HLCS: variants seen among roughly 807,000 people sequenced by gnomAD.
HLCS encodes holocarboxylase synthetase.
Under a neutral mutation model 75.0 loss-of-function variants are expected in HLCS, and 53 were observed. The observed-to-expected ratio is 0.71, with a 90% CI of 0.57 to 0.89. The LOEUF is 0.89. HLCS is among the 40% of genes least tolerant of loss of function. The pLI is 0.00. For synonymous variants in HLCS, 431 were observed against 428.6 expected (o/e 1.01, Z -0.07); for missense variants, 966 against 1,074.0 (o/e 0.90, Z 1.41).
At chr21:36,910,508 T>TG (rs986529437) in intron 5 of HLCS, among the ~76,000 whole-genome samples, 14 of 150,264 alleles carry the variant, frequency 9.3e-5, no homozygotes, top group Non-Finnish European at 1.5e-4. Context: ...ATCGCGCCAC[T>TG]GCACTCCAGC....
At chr21:36,756,211 G>A (rs1387212818) in intron 10 of HLCS, among the ~76,000 whole-genome samples, 1 of 151,916 alleles carries the variant, frequency 6.6e-6, no homozygotes, top group African/African-American at 2.4e-5. Flanking sequence ...GGCCAAGGCG[G>A]GCAGATCACA....
intron 1 of HLCS, chr21:36,974,580 T>G (rs2068885841): frequency 6.6e-6 from 1 of 152,198 alleles, no homozygotes; most frequent in Non-Finnish European, 1.5e-5. Context: ...GTCATTAAGG[T>G]AAAATGAGGT....
At chr21:36,898,587 G>A (rs931122746) in intron 5 of HLCS, among the ~76,000 whole-genome samples, 1 of 152,122 alleles carries the variant, frequency 6.6e-6, no homozygotes, top group Non-Finnish European at 1.5e-5. Flanking sequence ...CAGAGGTGGA[G>A]AGGGAGACCC....
chr21:36,783,688 C>A (rs947013134), intron 6 of HLCS, among the ~76,000 whole-genome samples: 11 of 152,162 alleles, frequency 7.2e-5, no homozygotes, highest in African/African-American at 2.7e-4. Flanking sequence ...GTTCTGTCTC[C>A]CTACAGTGGC....
intron 6 of HLCS, among the ~76,000 whole-genome samples, chr21:36,789,263 C>A (rs1045349684): frequency 4.6e-5 from 7 of 152,180 alleles, no homozygotes; most frequent in Non-Finnish European, 1.0e-4. Context: ...CTATGTTGCC[C>A]AGGCTGGTTG....
In HLCS at chr21:36,850,914, C is replaced by G. The variant is rs149259611; in HGVS notation, c.1892+45946G>C. Among the ~76,000 whole-genome samples the G allele has an allele frequency of 6.3e-3, 961 of 152,222 alleles. 17 individuals are homozygous for G. The highest frequency in any genetic ancestry group is 0.021 in the African/African-American group (887 of 41,538). Reference sequence around the variant, plus strand: ...GGAAGCAAAGGGAGAGAGGGAGAGGCCTTCGAGGACACTACCCCTGCTGGA... The same window carrying G: ...GGAAGCAAAGGGAGAGAGGGAGAGGGCTTCGAGGACACTACCCCTGCTGGA... On this transcript the variant is annotated intron_variant, in intron 6 of 10. Coordinates refer to ENST00000674895, the MANE Select transcript of HLCS (RefSeq NM_001352514.2).
At chr21:36,809,338 G>T (rs1047616656) in intron 6 of HLCS, among the ~76,000 whole-genome samples, 2 of 152,152 alleles carry the variant, frequency 1.3e-5, no homozygotes, top group South Asian at 4.1e-4. Context: ...GATTATTACT[G>T]TATGGCTTTT....
chr21:36,956,027 A>G (rs2250250), intron 2 of HLCS, among the ~76,000 whole-genome samples: 103,216 of 151,930 alleles, frequency 0.68, 35,597 homozygotes, highest in East Asian at 0.79. Flanking sequence ...CTAGACTTGT[A>G]TAAGTACACT....
intron 3 of HLCS, 132 bp from the exon 4 acceptor site, chr21:36,937,524 T>A: frequency 1.2e-6 from 1 of 821,066 alleles, no homozygotes; most frequent in Non-Finnish European, 2.0e-6. Context: ...CTGGCACGGC[T>A]CCCACCTGCA....
At chr21:36,793,144 T>A (rs948539168) in intron 6 of HLCS, among the ~76,000 whole-genome samples, 17 of 152,052 alleles carry the variant, frequency 1.1e-4, no homozygotes, top group Admixed American at 9.2e-4. Context: ...ATCAAATAAT[T>A]CTTCTTTCTA....
chr21:36,968,660 G>A (rs1352291989), upstream of HLCS: 1 of 152,168 alleles, frequency 6.6e-6, no homozygotes, highest in East Asian at 1.9e-4. Flanking sequence ...GGCCACTCCA[G>A]GACAACACAG....
chr21:36,971,815 A>G (rs1397310901), intron 1 of HLCS: 5 of 150,788 alleles, frequency 3.3e-5, no homozygotes, highest in African/African-American at 1.2e-4. Context: ...GGTGACAGAA[A>G]AAGACTCCAT....
intron 1 of HLCS, among the ~76,000 whole-genome samples, chr21:36,981,860 C>A (rs560995411): frequency 3.3e-5 from 5 of 152,240 alleles, no homozygotes; most frequent in African/African-American, 1.2e-4. Context: ...TGGGGGAATT[C>A]TTTAATCTGT....
intron 6 of HLCS, among the ~76,000 whole-genome samples, chr21:36,806,692 G>C (rs2061370927): frequency 6.6e-6 from 1 of 152,172 alleles, no homozygotes; most frequent in Non-Finnish European, 1.5e-5. Context: ...ACGAGGTAGG[G>C]GAAGTCAGCA....
intron 6 of HLCS, among the ~76,000 whole-genome samples, chr21:36,839,860 T>C (rs2062557048): frequency 6.6e-6 from 1 of 152,228 alleles, no homozygotes; most frequent in African/African-American, 2.4e-5. Context: ...CCTGTGAACT[T>C]AAATGACAAA....
At chr21:36,778,211 C>T (rs964174876) in intron 6 of HLCS, among the ~76,000 whole-genome samples, 8 of 152,030 alleles carry the variant, frequency 5.3e-5, no homozygotes, top group East Asian at 1.9e-4. Flanking sequence ...CCTTGTGATC[C>T]GCCCACCTCT....
At chr21:36,968,781 A>T (rs1569265385), upstream of HLCS, 1 of 152,246 alleles carries the variant, frequency 6.6e-6, no homozygotes, top group Non-Finnish European at 1.5e-5. Flanking sequence ...AATTATGGCT[A>T]TAAGGACCAC....
intron 1 of HLCS, among the ~76,000 whole-genome samples, chr21:36,978,223 C>T (rs1423881303): frequency 7.2e-5 from 11 of 152,092 alleles, no homozygotes; most frequent in Non-Finnish European, 1.0e-4. Flanking sequence ...GGGCCAAACG[C>T]GGTGGTTCAT....
chr21:36,786,092 T>G (rs540701568), intron 6 of HLCS, among the ~76,000 whole-genome samples: 25 of 152,186 alleles, frequency 1.6e-4, no homozygotes, highest in Admixed American at 5.9e-4. Flanking sequence ...TGGGCCCAGA[T>G]GTAAAGCTGC....
Sources: allele counts gnomAD v4.1 joint callset (sites outside exome capture counted in the v4.1 genomes callset), GRCh38; gene constraint gnomAD v4.1.1; transcripts MANE v1.5; gene names NCBI Gene and HGNC (gene_info 2026-07-23, HGNC 2026-07-21).